GRIK4: variants seen among roughly 807,000 people sequenced by gnomAD.
GRIK4 encodes the protein glutamate ionotropic receptor kainate type subunit 4, also known as glutamate receptor ionotropic, kainate 4.
In GRIK4, 40 loss-of-function variants were observed where a neutral mutation model predicts 104.9. That is an observed-to-expected ratio of 0.38 (90% CI 0.30 to 0.50). The LOEUF is 0.50. Among genes scored for constraint, GRIK4 ranks in the 20% least tolerant of loss-of-function variants. The pLI, the probability that GRIK4 is intolerant of heterozygous loss-of-function variation, is 0.93. For missense variants in GRIK4, 1,047 were observed against 1,308.1 expected (o/e 0.80, Z 3.08); for synonymous variants, 485 against 524.9 (o/e 0.92, Z 1.04).
At chr11:120,878,158 C>T (rs556443559) in intron 11 of GRIK4, among the ~76,000 whole-genome samples, 40 of 152,326 alleles carry the variant, frequency 2.6e-4, no homozygotes, top group African/African-American at 9.1e-4. Flanking sequence ...TCCTCCACAG[C>T]GGCTGCAGTT....
At chr11:120,728,409 C>T (rs1046224391) in intron 3 of GRIK4, among the ~76,000 whole-genome samples, 8 of 152,072 alleles carry the variant, frequency 5.3e-5, no homozygotes, top group South Asian at 2.1e-4. Flanking sequence ...AGCCCTCCTT[C>T]GGGAATCTGC....
chr11:120,659,730 T>C (rs1949779352), intron 2 of GRIK4, among the ~76,000 whole-genome samples: 1 of 152,194 alleles, frequency 6.6e-6, no homozygotes, highest in Admixed American at 6.5e-5. Flanking sequence ...TAAGGGCAGA[T>C]GAGGGTTTTG....
At chr11:120,810,640 A>G (rs1388503380) in intron 4 of GRIK4, among the ~76,000 whole-genome samples, 2 of 152,252 alleles carry the variant, frequency 1.3e-5, no homozygotes, top group Non-Finnish European at 2.9e-5. Context: ...AAAAAAGGAT[A>G]GAAAATAAAT....
chr11:120,626,875 G>A lies in GRIK4; in HGVS notation c.-158-26810G>A, dbSNP rs191102253. Among the ~76,000 whole-genome samples, 3 of 152,334 alleles carry A rather than the reference G, an allele frequency of 2.0e-5. No homozygotes were observed. The East Asian group carries it at 5.8e-4, about 29-fold the overall frequency. On this transcript the variant is annotated intron_variant, in intron 1 of 20. Transcript: ENST00000527524. ...AAACAGATGAAAACAATTGTCTTAT[G>A]ATCTACCCTAAAGAAACATGGCTTG...
intron 2 of GRIK4, among the ~76,000 whole-genome samples, chr11:120,658,902 C>T (rs1307033160): frequency 6.6e-6 from 1 of 151,890 alleles, no homozygotes; most frequent in Non-Finnish European, 1.5e-5. Flanking sequence ...GCGCCTGCCA[C>T]CACACCTGGC....
chr11:120,663,206 T>G (rs1949849408), intron 3 of GRIK4, among the ~76,000 whole-genome samples: 1 of 152,182 alleles, frequency 6.6e-6, no homozygotes, highest in Non-Finnish European at 1.5e-5. Flanking sequence ...CACCCCATCT[T>G]TGCACCCCCT....
intron 3 of GRIK4, among the ~76,000 whole-genome samples, chr11:120,688,326 A>G (rs543737731): frequency 6.6e-6 from 1 of 152,344 alleles, no homozygotes; most frequent in East Asian, 1.9e-4. Flanking sequence ...CCTACCCCGA[A>G]GAGGAAGTCA....
At chr11:120,954,825 ACACACAAAC>A (rs1591327429) in intron 15 of GRIK4, among the ~76,000 whole-genome samples, 14 of 26,554 alleles carry the variant, frequency 5.3e-4, no homozygotes, top group Non-Finnish European at 8.4e-4. Context: ...ACACACACAC[ACACACAAAC>A]AATACTGGAG....
intron 3 of GRIK4, among the ~76,000 whole-genome samples, chr11:120,762,036 G>A (rs11820186): frequency 0.049 from 7,530 of 152,156 alleles, 359 homozygotes; most frequent in African/African-American, 0.12. Flanking sequence ...AAATTACTTT[G>A]GGTAGTATGG....
At chr11:120,963,685 C>T (rs1244410590) in intron 18 of GRIK4, among the ~76,000 whole-genome samples, 1 of 152,126 alleles carries the variant, frequency 6.6e-6, no homozygotes, top group African/African-American at 2.4e-5. Context: ...TAGCTCAAAA[C>T]TCTGTAAATT....
Position 120,902,594 on chromosome 11 carries a change from G to A in GRIK4, c.1273-2696G>A, listed in dbSNP as rs1034718879. On this transcript the variant is annotated intron_variant, in intron 12 of 20. Transcript: ENST00000527524. This position sits in a 1 kb window ranked among gnomAD's most constrained non-coding sequence, Gnocchi z 4.5. ...TGCTTCTTACTCACATGATCGGCAA[G>A]TGCTTAATGCTGAGCCAGGTAGGGG... Among the ~76,000 whole-genome samples, 4 of 152,154 alleles carry A rather than the reference G, an allele frequency of 2.6e-5. No homozygotes were observed.
chr11:120,782,752 A>G (rs965199129), intron 3 of GRIK4, among the ~76,000 whole-genome samples: 1 of 152,056 alleles, frequency 6.6e-6, no homozygotes, highest in Non-Finnish European at 1.5e-5. Context: ...GGACACCAAG[A>G]GTTGAGTTGT....
At chr11:120,650,068 C>T (rs1428045217) in intron 1 of GRIK4, among the ~76,000 whole-genome samples, 3 of 152,178 alleles carry the variant, frequency 2.0e-5, no homozygotes, top group African/African-American at 4.8e-5. Context: ...CCTTCCCATC[C>T]CACAGGTGGA....
intron 1 of GRIK4, among the ~76,000 whole-genome samples, chr11:120,565,724 C>T (rs918583123): frequency 2.6e-5 from 4 of 152,228 alleles, no homozygotes; most frequent in African/African-American, 7.2e-5. Context: ...CAGGCTTTGC[C>T]TCACTAATTA....
chr11:120,747,911 A>G (rs1951473749), intron 3 of GRIK4, among the ~76,000 whole-genome samples: 1 of 152,196 alleles, frequency 6.6e-6, no homozygotes, highest in Non-Finnish European at 1.5e-5. Flanking sequence ...TGCTCTTCAA[A>G]CAAGATTCAG....
At chr11:120,712,300 A>G (rs751861254) in intron 3 of GRIK4, among the ~76,000 whole-genome samples, 2 of 152,196 alleles carry the variant, frequency 1.3e-5, no homozygotes, top group Non-Finnish European at 2.9e-5. Context: ...GAAACGTGAC[A>G]GAAAATGAGA....
intron 3 of GRIK4, among the ~76,000 whole-genome samples, chr11:120,736,449 A>ACGCAGTG (rs5795242): frequency 6.6e-6 from 1 of 151,470 alleles, no homozygotes; most frequent in African/African-American, 2.4e-5. Flanking sequence ...TACCTAGGTC[A>ACGCAGTG]CTCCAGTCCA....
chr11:120,704,211 T>G (rs1180384735), intron 3 of GRIK4, among the ~76,000 whole-genome samples: 1 of 152,260 alleles, frequency 6.6e-6, no homozygotes. Flanking sequence ...TTAATGTTTC[T>G]TTACTTTTCT....
intron 5 of GRIK4, among the ~76,000 whole-genome samples, chr11:120,818,591 C>T (rs1953022367): frequency 6.6e-6 from 1 of 152,204 alleles, no homozygotes; most frequent in African/African-American, 2.4e-5. Flanking sequence ...AAATCTTTAT[C>T]CTCTTCCCAC....
Sources: gnomAD v4.1 joint callset for allele counts (sites outside exome capture counted in the v4.1 genomes callset) on GRCh38, gnomAD v4.1.1 for gene constraint, Gnocchi (gnomAD v3.1) non-coding constraint, MANE v1.5 for transcripts, NCBI Gene and HGNC (gene_info 2026-07-23, HGNC 2026-07-21) for gene names.